BNC2: variants seen among roughly 807,000 people sequenced by gnomAD.
BNC2 encodes zinc finger protein basonuclin-2.
A neutral mutation model predicts 76.3 loss-of-function variants in BNC2; 20 were observed. That is an observed-to-expected ratio of 0.26 (90% CI 0.18 to 0.38). BNC2 has a LOEUF of 0.38. BNC2 is among the 10% of genes least tolerant of loss of function. The pLI, the probability that BNC2 is intolerant of heterozygous loss-of-function variation, is 1.00. For missense variants in BNC2, 1,382 were observed against 1,399.8 expected (o/e 0.99, Z 0.20); for synonymous variants, 582 against 514.8 (o/e 1.13, Z -1.77).
At chr9:16,433,461 C>G (rs1020321806) in intron 6 of BNC2, among the ~76,000 whole-genome samples, 1 of 152,074 alleles carries the variant, frequency 6.6e-6, no homozygotes, top group Non-Finnish European at 1.5e-5. Flanking sequence ...ACTCTTCTTC[C>G]CACCTAGAAT....
intron 5 of BNC2, among the ~76,000 whole-genome samples, chr9:16,456,361 C>T (rs1371743364): frequency 6.6e-6 from 1 of 151,700 alleles, no homozygotes; most frequent in Admixed American, 6.6e-5. Context: ...TGAAGGTTAC[C>T]CCACTAGATC....
At chr9:16,455,411 A>ACC (rs1314338947) in intron 5 of BNC2, among the ~76,000 whole-genome samples, 2 of 152,250 alleles carry the variant, frequency 1.3e-5, no homozygotes, top group African/African-American at 4.8e-5. Flanking sequence ...CTGCTCCTAT[A>ACC]CCAAAAAGAA....
At chr9:16,763,862 A>G (rs2135402248) in intron 1 of BNC2, among the ~76,000 whole-genome samples, 1 of 152,298 alleles carries the variant, frequency 6.6e-6, no homozygotes, top group African/African-American at 2.4e-5. Context: ...ACCAACACCT[A>G]GTGTTTGAAA....
chr9:16,670,378 G>A (rs1014715960), intron 3 of BNC2, among the ~76,000 whole-genome samples: 4 of 152,102 alleles, frequency 2.6e-5, no homozygotes, highest in South Asian at 4.1e-4. Context: ...TTCAGGGCGC[G>A]ATCATAGTTC....
chr9:16,495,363 C>A (rs1037452204), intron 5 of BNC2, among the ~76,000 whole-genome samples: 2 of 152,188 alleles, frequency 1.3e-5, no homozygotes, highest in African/African-American at 4.8e-5. Context: ...GCCATGAACT[C>A]TGAGGATTTG....
At chr9:16,464,287 G>C (rs973427197) in intron 5 of BNC2, among the ~76,000 whole-genome samples, 1 of 152,010 alleles carries the variant, frequency 6.6e-6, no homozygotes, top group Non-Finnish European at 1.5e-5. Flanking sequence ...ATGGCACACA[G>C]GCCAATGTCT....
At chr9:16,538,625 C>T (rs1818201900) in intron 5 of BNC2, among the ~76,000 whole-genome samples, 1 of 152,126 alleles carries the variant, frequency 6.6e-6, no homozygotes, top group African/African-American at 2.4e-5. Flanking sequence ...TTGCTGCTTA[C>T]CTTCTATAAT....
chr9:16,553,205 A>C (rs1818719249), intron 4 of BNC2, among the ~76,000 whole-genome samples: 1 of 152,182 alleles, frequency 6.6e-6, no homozygotes, highest in South Asian at 2.1e-4. Flanking sequence ...AGTGAATATC[A>C]CTTTTCTGAA....
chr9:16,594,269 G>C (rs7470623), intron 3 of BNC2, among the ~76,000 whole-genome samples: 15,572 of 152,152 alleles, frequency 0.1, 1,122 homozygotes, highest in African/African-American at 0.2. Flanking sequence ...CTTTGGTGAC[G>C]AAGCAAAGAT....
At chr9:16,635,878 C>T (rs961458093) in intron 3 of BNC2, among the ~76,000 whole-genome samples, 3 of 152,178 alleles carry the variant, frequency 2.0e-5, no homozygotes, top group African/African-American at 4.8e-5. Context: ...ATACATCCCA[C>T]ACTCCATATG....
Position 16,868,779 on chromosome 9 carries a change from A to G in BNC2, c.3+1867T>C, listed in dbSNP as rs1008966558. Among the ~76,000 whole-genome samples, 17 of 151,102 alleles carry G rather than the reference A, an allele frequency of 1.1e-4. 1 individual carries two copies. The East Asian group carries it at 3.1e-3, about 28-fold the overall frequency. Reference sequence around the variant, plus strand: ...AAATATAAAACACAGATACTCTCTAAAGGCTCACAAGGGATTGTGTGTGTG... The same window carrying G: ...AAATATAAAACACAGATACTCTCTAGAGGCTCACAAGGGATTGTGTGTGTG... On this transcript the variant is annotated intron_variant, in intron 1 of 6. Coordinates refer to ENST00000380672, the MANE Select transcript of BNC2 (RefSeq NM_017637.6).
At chr9:16,500,288 C>CG (rs1410232221) in intron 5 of BNC2, among the ~76,000 whole-genome samples, 1 of 152,088 alleles carries the variant, frequency 6.6e-6, no homozygotes, top group African/African-American at 2.4e-5. Context: ...TTGCCTGTCC[C>CG]CAAACCCTGG....
chr9:16,822,525 G>A (rs1440861063), intron 1 of BNC2, among the ~76,000 whole-genome samples: 1 of 152,052 alleles, frequency 6.6e-6, no homozygotes, highest in Non-Finnish European at 1.5e-5. Context: ...GGCCTTTAAG[G>A]AAAAAATTTA....
intron 3 of BNC2, among the ~76,000 whole-genome samples, chr9:16,597,598 CA>C (rs761741161): frequency 6.6e-6 from 1 of 152,064 alleles, no homozygotes; most frequent in Non-Finnish European, 1.5e-5. Flanking sequence ...TGAAAATCTA[CA>C]GCAATTCTAA....
chr9:16,591,698 C>T lies in BNC2; in HGVS notation c.331-8613G>A, dbSNP rs548885858. Among the ~76,000 whole-genome samples, 4 of 152,190 alleles carry T rather than the reference C, an allele frequency of 2.6e-5. No individual in the cohort carries two copies. The East Asian group carries it at 7.7e-4, about 29-fold the overall frequency. On this transcript the variant is annotated intron_variant, in intron 3 of 6. Transcript: ENST00000380672. ...GTCACTACTCCTAATGTAATAGTAA[C>T]AGCAGCAAATGAGAAACAATGAAGT...
chr9:16,859,773 G>C (rs1040537228), intron 1 of BNC2, among the ~76,000 whole-genome samples: 3 of 152,206 alleles, frequency 2.0e-5, no homozygotes, highest in Non-Finnish European at 4.4e-5. Context: ...AAATGTTCTA[G>C]AGATCTGCTG....
At chr9:16,560,139 A>C (rs531012595) in intron 4 of BNC2, among the ~76,000 whole-genome samples, 8 of 152,202 alleles carry the variant, frequency 5.3e-5, no homozygotes, top group Non-Finnish European at 8.8e-5. Context: ...TTTCTGATTC[A>C]CTGGGTCTGG....
At chr9:16,553,479 T>G (rs1818727596) in intron 4 of BNC2, among the ~76,000 whole-genome samples, 1 of 152,144 alleles carries the variant, frequency 6.6e-6, no homozygotes, top group South Asian at 2.1e-4. Context: ...AAAAAGAAAA[T>G]TAAAGTCATA....
rs141700297 is a variant in BNC2 at position 16,594,229 on chromosome 9, A to G, written c.331-11144T>C. ...TTCAAAAGCACCTCCAATCCTAGAA[A>G]GAACAATCGATTTGCATGATTATCA... On this transcript the variant is annotated intron_variant, in intron 3 of 6. Transcript: ENST00000380672. Among the ~76,000 whole-genome samples, 353 of 152,270 alleles carry G rather than the reference A, an allele frequency of 2.3e-3. 1 individual carries two copies. The highest frequency in any genetic ancestry group is 7.9e-3 in the African/African-American group (330 of 41,572).
Sources: allele counts gnomAD v4.1 joint callset (sites outside exome capture counted in the v4.1 genomes callset), GRCh38; gene constraint gnomAD v4.1.1; transcripts MANE v1.5; gene names NCBI Gene and HGNC (gene_info 2026-07-23, HGNC 2026-07-21).